LYPLAL1: variants seen among roughly 807,000 people sequenced by gnomAD.
LYPLAL1 encodes the protein lysophospholipase like 1, also known as lysophospholipase-like protein 1.
LYPLAL1 carries 23 observed loss-of-function variants against 19.7 expected under a neutral mutation model. The ratio of observed to expected loss-of-function variants is 1.17; its 90% CI spans 0.84 to 1.65. LYPLAL1 has a LOEUF of 1.65. LYPLAL1 is among the 40% of genes most tolerant of loss of function. LYPLAL1 has a pLI of 0.00. For missense variants in LYPLAL1, 355 were observed against 279.4 expected (o/e 1.27, Z -1.93); for synonymous variants, 119 against 96.3 (o/e 1.24, Z -1.38).
downstream of LYPLAL1, among the ~76,000 whole-genome samples, chr1:219,214,397 G>A (rs1164668934): frequency 6.6e-6 from 1 of 152,004 alleles, no homozygotes; most frequent in Non-Finnish European, 1.5e-5. Context: ...AATAGATTGG[G>A]TAGTATTTTC....
chr1:219,193,025 C>G, intron 2 of LYPLAL1, 57 bp from the exon 3 acceptor site: 1 of 1,444,334 alleles, frequency 6.9e-7, no homozygotes, highest in East Asian at 2.4e-5. Flanking sequence ...TTAAAGCATC[C>G]ATTTTCATAT....
At chr1:219,297,246 G>A in the LYPLAL1 span, among the ~76,000 whole-genome samples, 1 of 152,182 alleles carries the variant, frequency 6.6e-6, no homozygotes, top group South Asian at 2.1e-4. Flanking sequence ...CTTTGTCCCA[G>A]ATAGATGCTT....
chr1:219,262,864 G>A, the LYPLAL1 span, among the ~76,000 whole-genome samples: 180 of 152,340 alleles, frequency 1.2e-3, no homozygotes, highest in Non-Finnish European at 2.2e-3. Flanking sequence ...CCTCTGGTTA[G>A]CCAGGACGTT....
intron 1 of LYPLAL1, among the ~76,000 whole-genome samples, chr1:219,175,829 G>A (rs777329340): frequency 2.5e-4 from 38 of 152,184 alleles, no homozygotes; most frequent in Non-Finnish European, 4.9e-4. Flanking sequence ...ATGTGGTTAT[G>A]TTATAGGAGA....
chr1:219,219,968 C>T, the LYPLAL1 span, among the ~76,000 whole-genome samples: 9 of 152,192 alleles, frequency 5.9e-5, no homozygotes, highest in Admixed American at 5.9e-4. Flanking sequence ...GCAAGGAAAG[C>T]TCCAGGGGTT....
At chr1:219,325,363 C>A in the LYPLAL1 span, among the ~76,000 whole-genome samples, 5 of 152,096 alleles carry the variant, frequency 3.3e-5, no homozygotes, top group African/African-American at 1.2e-4. Flanking sequence ...AGTCGTAGCT[C>A]CTGAAAAAGA....
chr1:219,417,923 C>G, the LYPLAL1 span, among the ~76,000 whole-genome samples: 8 of 152,256 alleles, frequency 5.3e-5, no homozygotes, highest in Non-Finnish European at 8.8e-5. Context: ...ATGACCTTTC[C>G]TCCCTTACTA....
the LYPLAL1 span, among the ~76,000 whole-genome samples, chr1:219,281,346 A>T: frequency 6.6e-6 from 1 of 152,244 alleles, no homozygotes; most frequent in East Asian, 1.9e-4. Flanking sequence ...AAAAGACAAT[A>T]GTACATAAAA....
At chr1:219,259,307 A>G in the LYPLAL1 span, among the ~76,000 whole-genome samples, 6 of 151,866 alleles carry the variant, frequency 4.0e-5, no homozygotes, top group Admixed American at 2.0e-4. Flanking sequence ...AGACACTTGG[A>G]CACAAATGTT....
chr1:219,187,076 A>G (rs1656785100), intron 2 of LYPLAL1, among the ~76,000 whole-genome samples: 1 of 150,680 alleles, frequency 6.6e-6, no homozygotes, highest in Non-Finnish European at 1.5e-5. Flanking sequence ...CTTTATCCCC[A>G]TCTTGTGTAT....
the LYPLAL1 span, among the ~76,000 whole-genome samples, chr1:219,336,916 T>C: frequency 6.6e-6 from 1 of 151,988 alleles, no homozygotes; most frequent in Non-Finnish European, 1.5e-5. Flanking sequence ...TTTAATGACT[T>C]ATGACATCAC....
chr1:219,428,989 A>C, the LYPLAL1 span, among the ~76,000 whole-genome samples: 18 of 152,088 alleles, frequency 1.2e-4, no homozygotes, highest in Non-Finnish European at 2.5e-4. Flanking sequence ...ATGTTTTCAT[A>C]CTCAGAAATA....
chr1:219,358,827 T>A, the LYPLAL1 span, among the ~76,000 whole-genome samples: 1 of 150,632 alleles, frequency 6.6e-6, no homozygotes, highest in Non-Finnish European at 1.5e-5. Flanking sequence ...ATAGTGCGTG[T>A]GTGTGTGCGT....
At chr1:219,391,678 C>A in the LYPLAL1 span, among the ~76,000 whole-genome samples, 1 of 152,000 alleles carries the variant, frequency 6.6e-6, no homozygotes, top group Admixed American at 6.6e-5. Flanking sequence ...AAAGTCAGCA[C>A]AATAGGAACT....
chr1:219,295,268 C>T, the LYPLAL1 span, among the ~76,000 whole-genome samples: 1 of 152,164 alleles, frequency 6.6e-6, no homozygotes, highest in Non-Finnish European at 1.5e-5. Flanking sequence ...TTGTTCACAA[C>T]ACACAACCAT....
chr1:219,221,988 G>A, the LYPLAL1 span, among the ~76,000 whole-genome samples: 4 of 152,158 alleles, frequency 2.6e-5, no homozygotes, highest in African/African-American at 4.8e-5. Context: ...ACATATCCTC[G>A]CCCTATGGGA....
the LYPLAL1 span, among the ~76,000 whole-genome samples, chr1:219,354,099 G>A: frequency 6.6e-6 from 1 of 152,132 alleles, no homozygotes; most frequent in Non-Finnish European, 1.5e-5. Context: ...GAGATGAATA[G>A]AGCATCAGTG....
chr1:219,197,260 G>A (rs1353792703), intron 3 of LYPLAL1, among the ~76,000 whole-genome samples: 1 of 152,090 alleles, frequency 6.6e-6, no homozygotes, highest in Non-Finnish European at 1.5e-5. Flanking sequence ...AAACAGCATG[G>A]CACTGGTACA....
chr1:219,432,355 G>A, the LYPLAL1 span, among the ~76,000 whole-genome samples: 7 of 151,472 alleles, frequency 4.6e-5, no homozygotes, highest in African/African-American at 1.5e-4. Flanking sequence ...GGATTCAAAG[G>A]ATCTTGGTAC....
Sources: gnomAD v4.1 joint callset for allele counts (sites outside exome capture counted in the v4.1 genomes callset) on GRCh38, gnomAD v4.1.1 for gene constraint, MANE v1.5 for transcripts, NCBI Gene and HGNC (gene_info 2026-07-23, HGNC 2026-07-21) for gene names.